AGBL4: variants seen among roughly 807,000 people sequenced by gnomAD.
The protein encoded by AGBL4 is AGBL carboxypeptidase 4.
In AGBL4, 58 loss-of-function variants were observed where a neutral mutation model predicts 66.4. The ratio of observed to expected loss-of-function variants is 0.87; its 90% CI spans 0.71 to 1.09. AGBL4 has a LOEUF of 1.09. Ranked by LOEUF, AGBL4 falls within the 50% of genes least tolerant of loss-of-function variation. AGBL4 has a pLI of 0.00. For missense variants in AGBL4, 579 were observed against 631.0 expected (o/e 0.92, Z 0.88); for synonymous variants, 234 against 222.9 (o/e 1.05, Z -0.44).
At chr1:49,495,011 T>C (rs1647411195) in intron 3 of AGBL4, among the ~76,000 whole-genome samples, 1 of 152,120 alleles carries the variant, frequency 6.6e-6, no homozygotes, top group Non-Finnish European at 1.5e-5. Context: ...TATTAAAATA[T>C]AATTTTTAAG....
intron 2 of AGBL4, among the ~76,000 whole-genome samples, chr1:49,797,923 C>G (rs1644770653): frequency 6.6e-6 from 1 of 152,032 alleles, no homozygotes; most frequent in Non-Finnish European, 1.5e-5. Flanking sequence ...GCCACCACAC[C>G]CGGCTAATTT....
At chr1:48,658,955 C>A (rs1308325168) in intron 7 of AGBL4, among the ~76,000 whole-genome samples, 1 of 152,048 alleles carries the variant, frequency 6.6e-6, no homozygotes, top group Non-Finnish European at 1.5e-5. Context: ...CTCTTTGTCT[C>A]CATAGTCTAG....
At position 49,058,542 on chromosome 1, in the gene AGBL4, G is replaced by A. The variant is rs550372361; in HGVS notation, c.378-12742C>T. 1.2e-3 allele frequency among the ~76,000 whole-genome samples: 190 copies of A among 152,298 alleles called. 2 individuals carry two copies. The Middle Eastern group carries it at 0.017, about 14-fold the overall frequency. ...TCTTTTATAAATTACCCAGTTTTGT[G>A]TATTTCTTCATAGCAGCCTGAGAAA... On this transcript the variant is annotated intron_variant, in intron 4 of 13. Transcript: ENST00000371839.
chr1:49,437,479 T>G (rs1645928117), intron 3 of AGBL4, among the ~76,000 whole-genome samples: 1 of 152,172 alleles, frequency 6.6e-6, no homozygotes. Context: ...AAATTATCTT[T>G]CAAAGGAAAA....
At chr1:49,108,821 C>T (rs1645349200) in intron 4 of AGBL4, among the ~76,000 whole-genome samples, 1 of 152,146 alleles carries the variant, frequency 6.6e-6, no homozygotes. Flanking sequence ...TTGCTCCACT[C>T]TTCACCCTAC....
At position 49,649,922 on chromosome 1, in the gene AGBL4, A is replaced by G. The variant is rs367998543; in HGVS notation, c.282+47391T>C. ...AGGTAAAAAATATCAAGAGAATATA[A>G]GAAATATTTTGAACTTAATAAAAAT... On this transcript the variant is annotated intron_variant, in intron 3 of 13. Transcript: ENST00000371839. 3.3e-4 allele frequency among the ~76,000 whole-genome samples: 51 copies of G among 152,308 alleles called. 1 individual carries two copies. The South Asian group carries it at 9.5e-3, about 28-fold the overall frequency.
At chr1:49,180,850 G>T (rs1055377265) in intron 4 of AGBL4, among the ~76,000 whole-genome samples, 2 of 152,214 alleles carry the variant, frequency 1.3e-5, no homozygotes, top group African/African-American at 4.8e-5. Context: ...GAGGTTGTCA[G>T]ATTCAATAGG....
At position 48,987,572 on chromosome 1, in the gene AGBL4, C is replaced by T. The variant is rs533582424; in HGVS notation, c.594+58012G>A. Among the ~76,000 whole-genome samples the T allele has an allele frequency of 3.3e-5, 5 of 152,162 alleles. No individual in the cohort carries two copies. The South Asian group carries it at 8.3e-4, about 25-fold the overall frequency. On this transcript the variant is annotated intron_variant, in intron 5 of 13. Transcript: ENST00000371839. ...GTAATTATAATCAGAGATTTCAATA[C>T]TTCACTCTCAATAATTGACAGATTA...
intron 6 of AGBL4, among the ~76,000 whole-genome samples, chr1:48,713,034 T>G (rs1316623127): frequency 6.6e-6 from 1 of 152,160 alleles, no homozygotes; most frequent in Non-Finnish European, 1.5e-5. Context: ...GAGCATCCAC[T>G]AGACAGGGAT....
At chr1:49,766,464 G>A (rs1652738761) in intron 2 of AGBL4, among the ~76,000 whole-genome samples, 1 of 152,038 alleles carries the variant, frequency 6.6e-6, no homozygotes. Flanking sequence ...GAAAACATCT[G>A]CTAACACAAA....
chr1:49,169,177 G>GAGA (rs1363804417), intron 4 of AGBL4, among the ~76,000 whole-genome samples: 3 of 152,144 alleles, frequency 2.0e-5, no homozygotes, highest in Non-Finnish European at 4.4e-5. Context: ...AGCCATATAA[G>GAGA]AGAAAGTATA....
chr1:49,401,537 A>G (rs1160731556), intron 3 of AGBL4, among the ~76,000 whole-genome samples: 1 of 152,202 alleles, frequency 6.6e-6, no homozygotes, highest in African/African-American at 2.4e-5. Context: ...ACGAATGAAC[A>G]AGTATTAATT....
At chr1:49,348,758 A>T (rs1645691200) in intron 3 of AGBL4, among the ~76,000 whole-genome samples, 2 of 152,246 alleles carry the variant, frequency 1.3e-5, no homozygotes, top group Admixed American at 1.3e-4. Flanking sequence ...GAAAACGAAT[A>T]GAAGCTTTCA....
intron 12 of AGBL4, among the ~76,000 whole-genome samples, chr1:48,538,843 G>C (rs1452423318): frequency 4.2e-4 from 64 of 152,344 alleles, no homozygotes; most frequent in Admixed American, 4.2e-3. Flanking sequence ...GGAAAGAATG[G>C]TCTGGCAGGA....
intron 2 of AGBL4, among the ~76,000 whole-genome samples, chr1:49,835,500 A>C (rs1645823272): frequency 6.6e-6 from 1 of 152,112 alleles, no homozygotes; most frequent in Admixed American, 6.6e-5. Context: ...AATACAGCAC[A>C]CTGATGGGTG....
In AGBL4 at chr1:49,354,811, T is replaced by C. The variant is rs377654976; in HGVS notation, c.283-108947A>G. 2.6e-5 allele frequency among the ~76,000 whole-genome samples: 4 copies of C among 152,288 alleles called. 1 individual carries two copies. Among genetic ancestry groups the C allele is most frequent in the African/African-American group, 9.6e-5 (4 of 41,564 alleles). On this transcript the variant is annotated intron_variant, in intron 3 of 13. Transcript: ENST00000371839. ...CTAATATTAAACATTGAAACAAATA[T>C]GAACTATACAAGCATTTAAGAAACA...
At chr1:49,743,210 A>G (rs1650684535) in intron 2 of AGBL4, among the ~76,000 whole-genome samples, 1 of 152,208 alleles carries the variant, frequency 6.6e-6, no homozygotes. Context: ...TTACAAGAAA[A>G]AAACAAACAA....
chr1:48,768,365 G>T (rs1644636161), intron 6 of AGBL4, among the ~76,000 whole-genome samples: 1 of 152,054 alleles, frequency 6.6e-6, no homozygotes, highest in Admixed American at 6.6e-5. Flanking sequence ...CCCAAATAGG[G>T]TCTCTACTCA....
chr1:48,844,229 CCA>C (rs1646864590), intron 6 of AGBL4, among the ~76,000 whole-genome samples: 1 of 152,156 alleles, frequency 6.6e-6, no homozygotes. Context: ...AAGACCTAAC[CCA>C]CAGTTAATCA....
Sources: gnomAD v4.1 joint callset for allele counts (sites outside exome capture counted in the v4.1 genomes callset) on GRCh38, gnomAD v4.1.1 for gene constraint, MANE v1.5 for transcripts, NCBI Gene and HGNC (gene_info 2026-07-23, HGNC 2026-07-21) for gene names.